The following HLCS variants were observed in gnomAD, a reference collection of about 807,000 sequenced individuals.
The protein encoded by HLCS is biotin--protein ligase.
HLCS carries 53 observed loss-of-function variants against 75.0 expected under a neutral mutation model. The ratio of observed to expected loss-of-function variants is 0.71; its 90% CI spans 0.57 to 0.89. The LOEUF is 0.89. HLCS is among the 40% of genes least tolerant of loss of function. The probability of loss-of-function intolerance (pLI) is 0.00; values close to 1 mark genes in which losing one functional copy is unlikely to be tolerated. For missense variants in HLCS, 966 were observed against 1,074.0 expected (o/e 0.90, Z 1.41); for synonymous variants, 431 against 428.6 (o/e 1.01, Z -0.07).
intron 6 of HLCS, among the ~76,000 whole-genome samples, chr21:36,785,721 TAG>T (rs1464203468): frequency 3.3e-5 from 5 of 152,346 alleles, no homozygotes; most frequent in African/African-American, 1.2e-4. Flanking sequence ...CTAAGTATTA[TAG>T]AAGTGGAGGC....
intron 6 of HLCS, among the ~76,000 whole-genome samples, chr21:36,773,104 T>C (rs1392134494): frequency 6.6e-6 from 1 of 152,258 alleles, no homozygotes; most frequent in Non-Finnish European, 1.5e-5. Context: ...TTCTCTCTTA[T>C]ACTTTACTGA....
rs141405226 is a variant in HLCS, at chr21:36,856,554, T to C, written c.1892+40306A>G. On this transcript the variant is annotated intron_variant, in intron 6 of 10. Transcript: ENST00000674895. The stretch of plus-strand genomic sequence containing the variant: ...CATAAATAACACACACCACCGCCAA[T>C]AGTAGTCCTTTGAAACCCTCCAGAC... Among the ~76,000 whole-genome samples the C allele has an allele frequency of 3.5e-4, 54 of 152,164 alleles. 1 individual carries two copies. Among genetic ancestry groups the C allele is most frequent in the Admixed American group, 2.6e-3 (40 of 15,272 alleles).
chr21:36,954,607 T>C (rs2067836084), intron 2 of HLCS, among the ~76,000 whole-genome samples: 1 of 151,778 alleles, frequency 6.6e-6, no homozygotes, highest in Non-Finnish European at 1.5e-5. Flanking sequence ...AGAGCAAGAC[T>C]CAGTCTCAAA....
At position 36,864,696 on chromosome 21, in the gene HLCS, C is replaced by T. The variant is rs75606999; in HGVS notation, c.1892+32164G>A. Among the ~76,000 whole-genome samples the T allele has an allele frequency of 3.6e-3, 549 of 152,230 alleles. 5 individuals are homozygous for T. Among genetic ancestry groups the T allele is most frequent in the African/African-American group, 0.012 (487 of 41,530 alleles). ...ATTTTAATAAAAGTATTATGTATAACTTGAAATCCATTGGAAATCCATCTT... is the reference window on the plus strand; with the variant it reads ...ATTTTAATAAAAGTATTATGTATAATTTGAAATCCATTGGAAATCCATCTT... On this transcript the variant is annotated intron_variant, in intron 6 of 10. Coordinates refer to ENST00000674895, the MANE Select transcript of HLCS (RefSeq NM_001352514.2).
chr21:36,822,247 C>T (rs1299877446), intron 6 of HLCS, among the ~76,000 whole-genome samples: 14 of 152,042 alleles, frequency 9.2e-5, no homozygotes. Context: ...TGGCAAAACC[C>T]CGTCTCTACT....
intron 8 of HLCS, among the ~76,000 whole-genome samples, chr21:36,764,091 G>A (rs528732373): frequency 9.6e-4 from 146 of 152,336 alleles, no homozygotes; most frequent in African/African-American, 3.4e-3. Flanking sequence ...ATCTCATCCA[G>A]TGCTTCAAAC....
At chr21:36,835,771 G>A (rs147707556) in intron 6 of HLCS, among the ~76,000 whole-genome samples, 1 of 152,272 alleles carries the variant, frequency 6.6e-6, no homozygotes, top group East Asian at 1.9e-4. Flanking sequence ...ATTAGCCTCT[G>A]TGAAGATGTC....
intron 4 of HLCS, among the ~76,000 whole-genome samples, chr21:36,931,433 C>T (rs2066636494): frequency 6.6e-6 from 1 of 151,918 alleles, no homozygotes; most frequent in Admixed American, 6.6e-5. Context: ...AGGAAGAGAG[C>T]AGCGTTATTC....
At chr21:36,929,532 T>C (rs1446762973) in intron 5 of HLCS, among the ~76,000 whole-genome samples, 2 of 152,218 alleles carry the variant, frequency 1.3e-5, no homozygotes, top group African/African-American at 4.8e-5. Flanking sequence ...AGAAAGTAGG[T>C]AAGTTTAGTG....
intron 6 of HLCS, among the ~76,000 whole-genome samples, chr21:36,781,513 A>T (rs2060533394): frequency 6.6e-6 from 1 of 152,118 alleles, no homozygotes; most frequent in Non-Finnish European, 1.5e-5. Flanking sequence ...AATATATCCC[A>T]TAATTTCCTT....
At chr21:36,872,151 G>A (rs371302063) in intron 6 of HLCS, among the ~76,000 whole-genome samples, 2 of 152,074 alleles carry the variant, frequency 1.3e-5, no homozygotes, top group Admixed American at 6.5e-5. Flanking sequence ...GGCTGGGCGC[G>A]GTGGCTCACA....
rs71328521 is a variant in HLCS at position 36,906,049 on chromosome 21, CA to C, written c.1621-8919del. 5.1e-3 allele frequency among the ~76,000 whole-genome samples: 474 copies of C among 92,846 alleles called. 7 individuals are homozygous for C. The highest frequency in any genetic ancestry group is 0.016 in the African/African-American group (402 of 24,900). 60.9% of individuals were successfully genotyped at this position (92,846 alleles called of 152,430 possible). A position where few individuals can be genotyped will look rare whatever the true frequency, so the allele number is the denominator to read the frequency against. ...TGGGCAACAGAGTGAGACTCCATCTCAAAAAAAAAAAAAAACAAAACAAAAA... is the reference window on the plus strand; with the variant it reads ...TGGGCAACAGAGTGAGACTCCATCTCAAAAAAAAAAAAAACAAAACAAAAA... On this transcript the variant is annotated intron_variant, in intron 5 of 10. Coordinates refer to ENST00000674895, the MANE Select transcript of HLCS (RefSeq NM_001352514.2).
intron 2 of HLCS, among the ~76,000 whole-genome samples, chr21:36,945,309 A>G (rs1185187475): frequency 6.6e-6 from 1 of 152,040 alleles, no homozygotes; most frequent in East Asian, 1.9e-4. Flanking sequence ...GCCATTTTTC[A>G]TCATTCAGGA....
chr21:36,807,181 G>T (rs1163088178), intron 6 of HLCS, among the ~76,000 whole-genome samples: 1 of 152,164 alleles, frequency 6.6e-6, no homozygotes, highest in Non-Finnish European at 1.5e-5. Flanking sequence ...CCACCTGCAA[G>T]GGGAGAGGCT....
chr21:36,824,945 C>T (rs1282567307), intron 6 of HLCS, among the ~76,000 whole-genome samples: 1 of 152,234 alleles, frequency 6.6e-6, no homozygotes, highest in Non-Finnish European at 1.5e-5. Context: ...TGCTTATGGT[C>T]ACTCACTTGC....
At chr21:36,812,104 A>G (rs2061528927) in intron 6 of HLCS, among the ~76,000 whole-genome samples, 1 of 152,138 alleles carries the variant, frequency 6.6e-6, no homozygotes, top group Non-Finnish European at 1.5e-5. Flanking sequence ...GGAGCCACAG[A>G]CCTGCCTCAC....
rs1345955945 is a variant in HLCS at position 36,749,339 on chromosome 21, G to A, written c.*4907C>T. On this transcript the variant is annotated 3_prime_UTR_variant, in exon 11 of 11. Transcript: ENST00000674895. ...TGCTTTATCAAAATGGTTTATTTTA[G>A]GAAACTTTTTCCACCTTTCTGAATG... 1.3e-5 allele frequency: 2 copies of A among 152,338 alleles called. No homozygotes were observed. Among genetic ancestry groups the A allele is most frequent in the Admixed American group, 6.5e-5 (1 of 15,274 alleles). 9.4% of individuals were successfully genotyped at this position (152,338 alleles called of 1,614,324 possible). A position where few individuals can be genotyped will look rare whatever the true frequency, so the allele number is the denominator to read the frequency against.
At chr21:36,846,152 T>C (rs1444544914) in intron 6 of HLCS, among the ~76,000 whole-genome samples, 1 of 152,228 alleles carries the variant, frequency 6.6e-6, no homozygotes, top group Non-Finnish European at 1.5e-5. Context: ...AGACACTCCA[T>C]AAATTTAGTT....
intron 1 of HLCS, among the ~76,000 whole-genome samples, chr21:36,965,115 C>T (rs1326308990): frequency 6.6e-6 from 1 of 152,142 alleles, no homozygotes; most frequent in Admixed American, 6.5e-5. Context: ...ATGGTACTAA[C>T]AAGAAAGAGT....
Sources: allele counts gnomAD v4.1 joint callset (sites outside exome capture counted in the v4.1 genomes callset), GRCh38; gene constraint gnomAD v4.1.1; transcripts MANE v1.5; gene names NCBI Gene and HGNC (gene_info 2026-07-23, HGNC 2026-07-21).